Variants in PIBF1 observed in about 807,000 individuals in gnomAD.
The protein encoded by PIBF1 is progesterone immunomodulatory binding factor 1, also known as progesterone-induced-blocking factor 1.
In PIBF1, 90 loss-of-function variants were observed where a neutral mutation model predicts 112.5. That is an observed-to-expected ratio of 0.80 (90% CI 0.67 to 0.95). The LOEUF (loss-of-function observed/expected upper bound fraction) is 0.95. PIBF1 is among the 40% of genes least tolerant of loss of function. PIBF1 has a pLI of 0.00. For synonymous variants in PIBF1, 301 were observed against 288.6 expected, an observed-to-expected ratio of 1.04 and a Z score of -0.44; for missense variants, 915 against 852.3, an observed-to-expected ratio of 1.07 and a Z score of -0.92.
chr13:72,910,487 C>T (rs2040858486), intron 12 of PIBF1, among the ~76,000 whole-genome samples: 1 of 152,162 alleles, frequency 6.6e-6, no homozygotes, highest in South Asian at 2.1e-4. Flanking sequence ...AAGGGAACTT[C>T]CTCGATCTGA....
At chr13:72,834,520 A>T (rs1189117334) in intron 8 of PIBF1, among the ~76,000 whole-genome samples, 1 of 152,128 alleles carries the variant, frequency 6.6e-6, no homozygotes, top group Non-Finnish European at 1.5e-5. Context: ...CTGCCTACTC[A>T]GGAGGCTGGG....
chr13:72,911,691 CAAAG>C (rs750998326), intron 12 of PIBF1, among the ~76,000 whole-genome samples: 10 of 151,958 alleles, frequency 6.6e-5, no homozygotes, highest in Non-Finnish European at 1.3e-4. Flanking sequence ...GCCACAGACT[CAAAG>C]AAAATAACCA....
intron 9 of PIBF1, chr13:72,835,988 A>G (rs2037341788): frequency 5.9e-6 from 2 of 337,052 alleles, no homozygotes; most frequent in Admixed American, 3.6e-5. Flanking sequence ...AATCCCAGCT[A>G]CTCGGGAGGC....
chr13:72,805,976 T>G (rs1325679705), intron 5 of PIBF1, among the ~76,000 whole-genome samples: 2 of 152,126 alleles, frequency 1.3e-5, no homozygotes, highest in Non-Finnish European at 2.9e-5. Context: ...AAAGAGAAAA[T>G]AGAGAACAAA....
chr13:72,866,176 T>C (rs1035883176), intron 10 of PIBF1, among the ~76,000 whole-genome samples: 2 of 152,176 alleles, frequency 1.3e-5, no homozygotes, highest in Non-Finnish European at 2.9e-5. Flanking sequence ...TCTGATTGCA[T>C]GTACGGCACA....
At chr13:72,849,236 A>G (rs2038018153) in intron 9 of PIBF1, among the ~76,000 whole-genome samples, 1 of 152,232 alleles carries the variant, frequency 6.6e-6, no homozygotes, top group African/African-American at 2.4e-5. Context: ...TTAACTTTAT[A>G]CAAGTATTTT....
At chr13:72,841,061 A>G (rs576406172) in intron 9 of PIBF1, among the ~76,000 whole-genome samples, 1 of 152,342 alleles carries the variant, frequency 6.6e-6, no homozygotes, top group South Asian at 2.1e-4. Context: ...AGATATAAAG[A>G]CTTAAGAAAA....
At chr13:72,891,449 A>T (rs2040052381) in intron 10 of PIBF1, among the ~76,000 whole-genome samples, 1 of 152,108 alleles carries the variant, frequency 6.6e-6, no homozygotes. Flanking sequence ...CAAAGAGTAC[A>T]GGGACATTTG....
At chr13:72,893,756 A>T in intron 10 of PIBF1, 28 bp from the exon 11 acceptor site, 1 of 1,409,222 alleles carries the variant, frequency 7.1e-7, no homozygotes, top group Non-Finnish European at 9.4e-7. Context: ...CTTTCTTTAG[A>T]GTGTCATAAC....
intron 10 of PIBF1, among the ~76,000 whole-genome samples, chr13:72,855,833 G>A (rs2038399508): frequency 6.6e-6 from 1 of 152,100 alleles, no homozygotes; most frequent in Non-Finnish European, 1.5e-5. Context: ...TTGTGTTGAT[G>A]TCAGTTTTTA....
chr13:72,933,983 G>C (rs1378359450), intron 14 of PIBF1, among the ~76,000 whole-genome samples: 1 of 152,160 alleles, frequency 6.6e-6, no homozygotes, highest in Non-Finnish European at 1.5e-5. Context: ...TTAGTAGTGA[G>C]TTCTGGACTT....
chr13:73,004,648 A>T (rs2043976701), intron 17 of PIBF1, among the ~76,000 whole-genome samples: 1 of 152,186 alleles, frequency 6.6e-6, no homozygotes, highest in Non-Finnish European at 1.5e-5. Context: ...GACTTTGGCC[A>T]ATTCACTATC....
intron 16 of PIBF1, among the ~76,000 whole-genome samples, chr13:72,985,555 A>G (rs2043261831): frequency 6.6e-6 from 1 of 152,096 alleles, no homozygotes; most frequent in Non-Finnish European, 1.5e-5. Context: ...AAAAACAGAA[A>G]AAGAAAAAGA....
At chr13:72,785,422 A>G (rs1193439780) in intron 2 of PIBF1, among the ~76,000 whole-genome samples, 1 of 152,190 alleles carries the variant, frequency 6.6e-6, no homozygotes, top group Non-Finnish European at 1.5e-5. Context: ...TCTTAAATGA[A>G]TGACTGAACC....
At chr13:72,945,383 T>C (rs1431636320) in intron 14 of PIBF1, among the ~76,000 whole-genome samples, 1 of 152,236 alleles carries the variant, frequency 6.6e-6, no homozygotes, top group Non-Finnish European at 1.5e-5. Flanking sequence ...AGATGATTTA[T>C]GTTCCTTTGG....
chr13:72,955,474 T>G (rs2138871622), intron 14 of PIBF1, among the ~76,000 whole-genome samples: 1 of 152,228 alleles, frequency 6.6e-6, no homozygotes, highest in South Asian at 2.1e-4. Flanking sequence ...TATATTCTGT[T>G]TATACGTCAA....
In PIBF1 at chr13:72,993,829, G is replaced by A. The variant is rs74356410; in HGVS notation, c.2050-4993G>A. On this transcript the variant is annotated intron_variant, in intron 16 of 17. Coordinates refer to ENST00000326291, the MANE Select transcript of PIBF1 (RefSeq NM_006346.4). Reference sequence around the variant, plus strand: ...AAGACAGAGCAGTAATACCATGAAAGCATGTTTCTTTTACAGCACCAGCAC... The same window carrying A: ...AAGACAGAGCAGTAATACCATGAAAACATGTTTCTTTTACAGCACCAGCAC... Among the ~76,000 whole-genome samples the A allele has an allele frequency of 6.9e-3, 1,045 of 151,310 alleles. 23 individuals carry two copies. Among genetic ancestry groups the A allele is most frequent in the African/African-American group, 0.024 (981 of 41,292 alleles).
chr13:72,962,964 A>G (rs2042645348), intron 14 of PIBF1, among the ~76,000 whole-genome samples: 1 of 152,238 alleles, frequency 6.6e-6, no homozygotes, highest in Non-Finnish European at 1.5e-5. Context: ...AATAGAATAG[A>G]GCCCAGAAGT....
intron 4 of PIBF1, among the ~76,000 whole-genome samples, chr13:72,796,546 T>A (rs554714911): frequency 6.6e-6 from 1 of 152,118 alleles, no homozygotes; most frequent in Non-Finnish European, 1.5e-5. Flanking sequence ...AAATGTTGTC[T>A]ATTGTTTTTG....
Sources: gnomAD v4.1 joint callset for allele counts (sites outside exome capture counted in the v4.1 genomes callset) on GRCh38, gnomAD v4.1.1 for gene constraint, MANE v1.5 for transcripts, NCBI Gene and HGNC (gene_info 2026-07-23, HGNC 2026-07-21) for gene names.